PRKD1: variants seen among roughly 807,000 people sequenced by gnomAD.
PRKD1 encodes protein kinase D1.
Under a neutral mutation model 95.9 loss-of-function variants are expected in PRKD1, and 63 were observed. The observed-to-expected ratio is 0.66, with a 90% CI of 0.54 to 0.81. The LOEUF is 0.81. PRKD1 is among the 30% of genes least tolerant of loss of function. The pLI, the probability that PRKD1 is intolerant of heterozygous loss-of-function variation, is 0.00. For synonymous variants in PRKD1, 425 were observed against 423.1 expected (o/e 1.00, Z -0.05); for missense variants, 1,048 against 1,165.3 (o/e 0.90, Z 1.47).
rs188196460 is a variant in PRKD1 at position 29,639,681 on chromosome 14, G to T, written c.697-777C>A. On this transcript the variant is annotated intron_variant, in intron 4 of 17. Transcript: ENST00000331968. Reference sequence around the variant, plus strand: ...AAAAGAAAGAAAGAAAGAAAAAAATGCCTTACAGTTCCTTTGGATTACCTA... The same window carrying T: ...AAAAGAAAGAAAGAAAGAAAAAAATTCCTTACAGTTCCTTTGGATTACCTA... Among the ~76,000 whole-genome samples the T allele has an allele frequency of 5.3e-5, 8 of 151,566 alleles. No individual in the cohort carries two copies. In the East Asian group the frequency reaches 1.4e-3, roughly 26 times the overall value.
At chr14:29,710,234 T>C (rs1482118691) in intron 2 of PRKD1, among the ~76,000 whole-genome samples, 1 of 152,076 alleles carries the variant, frequency 6.6e-6, no homozygotes, top group Non-Finnish European at 1.5e-5. Context: ...CTTCCCTGCA[T>C]TGAGGGTGAG....
At chr14:29,810,932 T>C (rs562468792) in intron 1 of PRKD1, among the ~76,000 whole-genome samples, 14 of 152,356 alleles carry the variant, frequency 9.2e-5, no homozygotes, top group African/African-American at 3.4e-4. Context: ...CATATTTATA[T>C]CATTATGGGT....
intron 16 of PRKD1, among the ~76,000 whole-genome samples, chr14:29,586,639 C>T (rs1411698888): frequency 6.6e-6 from 1 of 151,980 alleles, no homozygotes; most frequent in Non-Finnish European, 1.5e-5. Flanking sequence ...TTACTCTCTC[C>T]TTTTTTTGTT....
intron 1 of PRKD1, among the ~76,000 whole-genome samples, chr14:29,837,609 G>A (rs941825105): frequency 6.6e-6 from 1 of 152,106 alleles, no homozygotes; most frequent in African/African-American, 2.4e-5. Flanking sequence ...CTATGGCTTT[G>A]TCAAGTATAA....
At chr14:29,913,203 A>G (rs541432390) in intron 1 of PRKD1, among the ~76,000 whole-genome samples, 2 of 152,330 alleles carry the variant, frequency 1.3e-5, no homozygotes, top group South Asian at 4.1e-4. Context: ...TAAACCATTT[A>G]GAAGAGTTAC....
rs45608731 is a variant in PRKD1 at position 29,721,875 on chromosome 14, TA to T, written c.403+3660del. Among the ~76,000 whole-genome samples the T allele has an allele frequency of 7.9e-5, 12 of 152,202 alleles. 1 individual carries two copies. Among genetic ancestry groups the T allele is most frequent in the African/African-American group, 2.4e-4 (10 of 41,538 alleles). On this transcript the variant is annotated intron_variant, in intron 2 of 17. Transcript: ENST00000331968. ...CAATCTTTTCCTGGCTTACTGCGTTTAAATGTACTAGCTCACACTAGTCATG... is the reference window on the plus strand; with the variant it reads ...CAATCTTTTCCTGGCTTACTGCGTTTAATGTACTAGCTCACACTAGTCATG...
chr14:29,754,487 C>G (rs1887610063), intron 1 of PRKD1, among the ~76,000 whole-genome samples: 1 of 152,108 alleles, frequency 6.6e-6, no homozygotes, highest in South Asian at 2.1e-4. Flanking sequence ...AGTTTTTCAT[C>G]TACTAGAAAT....
intron 2 of PRKD1, among the ~76,000 whole-genome samples, chr14:29,704,648 G>A (rs1486870491): frequency 6.6e-6 from 1 of 151,866 alleles, no homozygotes; most frequent in African/African-American, 2.4e-5. Flanking sequence ...GAGCATTCAC[G>A]TGGGAGCCTG....
chr14:29,895,388 C>A (rs980303065), intron 1 of PRKD1, among the ~76,000 whole-genome samples: 2 of 152,062 alleles, frequency 1.3e-5, no homozygotes, highest in Admixed American at 6.5e-5. Flanking sequence ...ACCCTGACTG[C>A]TCACTTTCAT....
intron 1 of PRKD1, among the ~76,000 whole-genome samples, chr14:29,851,870 T>C (rs1468767304): frequency 6.6e-6 from 1 of 152,094 alleles, no homozygotes; most frequent in African/African-American, 2.4e-5. Flanking sequence ...GAAAATGTGG[T>C]ACATATACAT....
In PRKD1 at chr14:29,599,023, T is replaced by C. The variant is rs769456882; in HGVS notation, c.2166+4A>G. 2 of 1,609,222 alleles carry C rather than the reference T, an allele frequency of 1.2e-6. No individual in the cohort carries two copies. The highest frequency in any genetic ancestry group is 1.7e-5 in the Admixed American group (1 of 59,952). On this transcript the variant is annotated splice_donor_region_variant and intron_variant, in intron 15 of 17. Transcript: ENST00000331968. The stretch of plus-strand genomic sequence containing the variant: ...TTTTTGCTGAGAGAGGCTTTTATAC[T>C]TGCCTGAGGAAAAGGATCAGCTGAG...
intron 1 of PRKD1, among the ~76,000 whole-genome samples, chr14:29,812,900 G>C (rs1158323725): frequency 6.6e-6 from 1 of 152,198 alleles, no homozygotes; most frequent in Non-Finnish European, 1.5e-5. Flanking sequence ...CCTCAGGTCA[G>C]GAGTTCTTGA....
chr14:29,583,450 C>A (rs1196097916), intron 16 of PRKD1, among the ~76,000 whole-genome samples: 1 of 152,116 alleles, frequency 6.6e-6, no homozygotes, highest in Non-Finnish European at 1.5e-5. Context: ...CAGGCAGTGG[C>A]TAGTTCCTCC....
At chr14:29,725,405 G>A in intron 2 of PRKD1, 131 bp downstream of exon 2, 2 of 1,110,020 alleles carry the variant, frequency 1.8e-6, no homozygotes, top group Non-Finnish European at 2.6e-6. Flanking sequence ...CATGTGGACA[G>A]AGCTCCAACA....
chr14:29,639,565 G>A (rs902369032), intron 4 of PRKD1, among the ~76,000 whole-genome samples: 1 of 151,870 alleles, frequency 6.6e-6, no homozygotes, highest in Non-Finnish European at 1.5e-5. Context: ...GTTGTGGTGA[G>A]CCAATATCGT....
intron 7 of PRKD1, 80 bp from the exon 8 acceptor site, chr14:29,634,621 G>A: frequency 2.6e-6 from 4 of 1,543,356 alleles, no homozygotes; most frequent in South Asian, 1.1e-5. Flanking sequence ...CCTTATGTCA[G>A]CTAATCCAAG....
intron 1 of PRKD1, among the ~76,000 whole-genome samples, chr14:29,923,369 G>T (rs931719317): frequency 2.0e-5 from 3 of 152,084 alleles, no homozygotes; most frequent in Admixed American, 6.6e-5. Context: ...ACCATCATTA[G>T]TTTAAAAGGA....
intron 1 of PRKD1, among the ~76,000 whole-genome samples, chr14:29,889,920 T>C (rs969621982): frequency 9.2e-5 from 14 of 152,210 alleles, no homozygotes; most frequent in Non-Finnish European, 1.6e-4. Flanking sequence ...TATCCTTTCA[T>C]TCATCCAACA....
chr14:29,631,451 C>CA (rs1316737106), intron 9 of PRKD1, among the ~76,000 whole-genome samples: 2 of 151,328 alleles, frequency 1.3e-5, no homozygotes, highest in African/African-American at 4.9e-5. Flanking sequence ...ATAACATAGC[C>CA]AAGTGAATAG....
Sources: allele counts gnomAD v4.1 joint callset (sites outside exome capture counted in the v4.1 genomes callset), GRCh38; gene constraint gnomAD v4.1.1; transcripts MANE v1.5; gene names NCBI Gene and HGNC (gene_info 2026-07-23, HGNC 2026-07-21).